LIMCH1: variants seen among roughly 807,000 people sequenced by gnomAD.
The protein encoded by LIMCH1 is LIM and calponin homology domains-containing protein 1.
A neutral mutation model predicts 176.5 loss-of-function variants in LIMCH1; 113 were observed. That is an observed-to-expected ratio of 0.64 (90% CI 0.55 to 0.75). The LOEUF is 0.75. LIMCH1 is among the 30% of genes least tolerant of loss of function. The probability of loss-of-function intolerance (pLI) is 0.00; values close to 1 mark genes in which losing one functional copy is unlikely to be tolerated. For missense variants in LIMCH1, 1,674 were observed against 1,814.9 expected (o/e 0.92, Z 1.41); for synonymous variants, 619 against 645.9 (o/e 0.96, Z 0.63).
chr4:41,668,909 G>C (rs577366981), intron 21 of LIMCH1, among the ~76,000 whole-genome samples: 1 of 151,832 alleles, frequency 6.6e-6, no homozygotes, highest in Non-Finnish European at 1.5e-5. Context: ...ATCAGATCTC[G>C]TGAGACTTAT....
At chr4:41,517,487 A>G (rs577118865) in intron 2 of LIMCH1, among the ~76,000 whole-genome samples, 6 of 152,274 alleles carry the variant, frequency 3.9e-5, no homozygotes, top group South Asian at 2.1e-4. Context: ...TAAAGCTCCT[A>G]TGATCTCTTC....
chr4:41,530,815 AAAAATT>A (rs2077188754), intron 3 of LIMCH1, among the ~76,000 whole-genome samples: 1 of 146,204 alleles, frequency 6.8e-6, no homozygotes. Context: ...AAAAAAAAAA[AAAAATT>A]TTTTTTTTTT....
chr4:41,681,188 G>A lies in LIMCH1; in HGVS notation c.3717+129G>A, dbSNP rs538827971. On this transcript the variant is annotated intron_variant, in intron 25 of 31. Coordinates refer to ENST00000503057, the MANE Select transcript of LIMCH1 (RefSeq NM_001330672.2). The stretch of plus-strand genomic sequence containing the variant: ...AGACTAGCTATTCCCCTAGAATCAC[G>A]TCAGCTACTGTGTGGCCATTGTACC... The A allele has an allele frequency of 1.4e-4, 76 of 545,396 alleles. No homozygotes were observed. The Admixed American group carries it at 1.5e-3, about 11-fold the overall frequency. The allele number at this position is 545,396 out of a possible 1,614,324, so 33.8% of individuals were successfully genotyped here.
chr4:41,684,178 G>T (rs1167810936), intron 26 of LIMCH1, among the ~76,000 whole-genome samples: 3 of 152,168 alleles, frequency 2.0e-5, no homozygotes, highest in Non-Finnish European at 2.9e-5. Flanking sequence ...GACAGAGAAG[G>T]CATCAGAAAT....
At chr4:41,522,693 T>C (rs1317974934) in intron 2 of LIMCH1, among the ~76,000 whole-genome samples, 2 of 152,134 alleles carry the variant, frequency 1.3e-5, no homozygotes. Context: ...AGAGAATGCA[T>C]TGATCTAAGA....
chr4:41,452,198 A>T (rs2063969926), intron 1 of LIMCH1, among the ~76,000 whole-genome samples: 1 of 152,172 alleles, frequency 6.6e-6, no homozygotes, highest in Non-Finnish European at 1.5e-5. Context: ...CTCCTTTTTG[A>T]AGTTCCTTCC....
chr4:41,661,793 A>G (rs2094631649), intron 19 of LIMCH1: 1 of 405,450 alleles, frequency 2.5e-6, no homozygotes, highest in East Asian at 5.3e-5. Flanking sequence ...GTGTTCTTCC[A>G]TATAAATCAT....
Position 41,579,635 on chromosome 4 carries a change from T to C in LIMCH1, c.-240-19285T>C, listed in dbSNP as rs11929800. Among the ~76,000 whole-genome samples the C allele has an allele frequency of 8.3e-3, 1,265 of 152,338 alleles. 22 individuals carry two copies. The highest frequency in any genetic ancestry group is 0.029 in the African/African-American group (1,205 of 41,560). ...TTTGATGTCCTTTTCAATCAGTCTT[T>C]AGTTTCAAAAATATTCTTTACACTG... On this transcript the variant is annotated intron_variant, in intron 1 of 31. Transcript: ENST00000503057.
At chr4:41,479,234 A>G (rs1582869339) in intron 1 of LIMCH1, among the ~76,000 whole-genome samples, 1 of 152,198 alleles carries the variant, frequency 6.6e-6, no homozygotes, top group South Asian at 2.1e-4. Flanking sequence ...ATTCCTTTAT[A>G]TAACCACCAT....
rs558567394 is a variant in LIMCH1, at chr4:41,580,010, CA to C, written c.-240-18909del. ...GGCACCACCAGGCTCATTTAATTTT[CA>C]CTAGTAATGTGGTAAGGCAGGCAGG... is the stretch of plus-strand genomic sequence containing the variant. On this transcript the variant is annotated intron_variant, in intron 1 of 31. Transcript: ENST00000503057. Among the ~76,000 whole-genome samples, 300 of 152,272 alleles carry C rather than the reference CA, an allele frequency of 2.0e-3. 1 individual carries two copies. The highest frequency in any genetic ancestry group is 6.3e-3 in the African/African-American group (262 of 41,554).
intron 1 of LIMCH1, among the ~76,000 whole-genome samples, chr4:41,421,144 G>GGTTCTACC (rs2060574314): frequency 2.0e-5 from 3 of 152,174 alleles, no homozygotes; most frequent in African/African-American, 7.2e-5. Context: ...GTTGGATCCA[G>GGTTCTACC]GTTCTACCAC....
At chr4:41,599,521 ACTATAT>A (rs2089546348) in intron 2 of LIMCH1, among the ~76,000 whole-genome samples, 1 of 152,204 alleles carries the variant, frequency 6.6e-6, no homozygotes, top group Non-Finnish European at 1.5e-5. Flanking sequence ...AAGAACTTTG[ACTATAT>A]CTACTTAATG....
chr4:41,393,641 A>G (rs916963050), intron 1 of LIMCH1, among the ~76,000 whole-genome samples: 1 of 152,238 alleles, frequency 6.6e-6, no homozygotes, highest in East Asian at 1.9e-4. Context: ...AGAATAGAGC[A>G]TTATAGTTTC....
chr4:41,629,651 G>A lies in LIMCH1; in HGVS notation c.1188G>A (p.Glu396=), dbSNP rs1347864747. The A allele has an allele frequency of 6.5e-7, 1 of 1,536,044 alleles. No individual in the cohort carries two copies. Among genetic ancestry groups the A allele is most frequent in the Admixed American group, 2.0e-5 (1 of 50,990 alleles). The part of the protein sequence containing the change: ...RIQGSLAPHR[E]PPSFITLSNI... ...AGGGCAGCCTTGCCCCTCACCGCGA[G>A]CCCCCGAGCTTCATTACGCTCTCCA... The change falls in exon 9 of 32, where the codon GAG becomes GAA. Residue 396 remains glutamate (E), a synonymous_variant. Coordinates refer to ENST00000503057, the MANE Select transcript of LIMCH1 (RefSeq NM_001330672.2).
Position 41,684,711 on chromosome 4 carries a change from CAGTG to C in LIMCH1, c.3967+196_3967+199del, listed in dbSNP as rs1339656263. Among the ~76,000 whole-genome samples the C allele has an allele frequency of 2.0e-5, 3 of 152,110 alleles. No homozygotes were observed. In the East Asian group the frequency reaches 5.8e-4, roughly 29 times the overall value. On this transcript the variant is annotated intron_variant, in intron 27 of 31. Coordinates refer to ENST00000503057, the MANE Select transcript of LIMCH1 (RefSeq NM_001330672.2). ...ACTCTATAGGAACTTGCTGGGGACT[CAGTG>C]AGACCTGAGAGCGTGTTCGCACTTA...
At chr4:41,517,610 C>T (rs1040069860) in intron 2 of LIMCH1, among the ~76,000 whole-genome samples, 31 of 152,182 alleles carry the variant, frequency 2.0e-4, no homozygotes, top group African/African-American at 7.2e-4. Context: ...TGCGTTCCAA[C>T]ACTCTTGTTC....
At chr4:41,613,180 T>C (rs1157546233) in intron 4 of LIMCH1, 2 of 1,244,374 alleles carry the variant, frequency 1.6e-6, no homozygotes, top group Non-Finnish European at 2.3e-6. Flanking sequence ...TTTCTTCTAA[T>C]TCTTTCTCTA....
intron 20 of LIMCH1, among the ~76,000 whole-genome samples, chr4:41,664,640 T>G (rs180799697): frequency 2.7e-4 from 41 of 152,262 alleles, no homozygotes; most frequent in African/African-American, 9.4e-4. Context: ...CCCACTTAAA[T>G]CTAAACTGAA....
At chr4:41,558,455 C>G (rs745826648) in intron 1 of LIMCH1, among the ~76,000 whole-genome samples, 1 of 152,112 alleles carries the variant, frequency 6.6e-6, no homozygotes, top group African/African-American at 2.4e-5. Context: ...GGTTCTATTC[C>G]CCAGCATGTT....
Sources: allele counts gnomAD v4.1 joint callset (sites outside exome capture counted in the v4.1 genomes callset), GRCh38; gene constraint gnomAD v4.1.1; transcripts MANE v1.5; gene names NCBI Gene and HGNC (gene_info 2026-07-23, HGNC 2026-07-21).